The following NXF3 variants were observed in gnomAD, a reference collection of about 807,000 sequenced individuals.
NXF3 encodes nuclear RNA export factor 3.
Under a neutral mutation model 48.4 loss-of-function variants are expected in NXF3, and 34 were observed. The observed-to-expected ratio is 0.70, with a 90% CI of 0.53 to 0.93. The LOEUF (loss-of-function observed/expected upper bound fraction) is 0.93, where lower values mean the gene tolerates loss of function less well. NXF3 is among the 40% of genes least tolerant of loss of function. The pLI, the probability that NXF3 is intolerant of heterozygous loss-of-function variation, is 0.00. For missense variants in NXF3, 359 were observed against 406.1 expected (o/e 0.88, Z 1.00); for synonymous variants, 132 against 145.7 (o/e 0.91, Z 0.68).
At position 103,077,628 on chromosome X, in the gene NXF3, C is replaced by G. The variant is rs375878902; in HGVS notation, c.1570G>C (p.Glu524Gln). ...AAAACCTGTACCATTTTCTGCTGCT[C>G]CTGGGAGAAGGCAGGCACGGAGCTG... ...FSSSVPAFSQ[E>Q]QQKMLPS The change falls in exon 18 of 20, where the codon GAG becomes CAG. Residue 524 changes from glutamate (E) to glutamine (Q), a missense_variant. Coordinates refer to ENST00000395065, the MANE Select transcript of NXF3 (RefSeq NM_022052.2). 3 of 1,209,191 alleles carry G rather than the reference C, an allele frequency of 2.5e-6. No homozygotes were observed. The African/African-American group carries it at 5.3e-5, about 21-fold the overall frequency.
intron 1 of NXF3, chrX:103,088,992 C>T (rs1922215947): frequency 1.1e-5 from 13 of 1,170,847 alleles, no homozygotes; most frequent in Non-Finnish European, 1.2e-6. Context: ...GCAGCCCTGT[C>T]TTCCTAATGT....
Position 103,084,884 on chromosome X carries a change from C to CT in NXF3, c.29-2dup. 8.3e-7 allele frequency: 1 copy of CT among 1,206,162 alleles called. No individual in the cohort carries two copies. The highest frequency in any genetic ancestry group is 1.1e-6 in the Non-Finnish European group (1 of 891,032). On this transcript the variant is annotated splice_acceptor_variant, in intron 1 of 19. Transcript: ENST00000395065. LOFTEE classifies it high-confidence loss of function. The stretch of plus-strand genomic sequence containing the variant: ...CTTTGAACAACTTGATCAGTGTGAC[C>CT]TTAAATTAAGAACAGCACATCAACA...
chrX:103,080,291 A>G, intron 10 of NXF3, 75 bp from the exon 11 acceptor site: 3 of 996,471 alleles, frequency 3.0e-6, no homozygotes, highest in Non-Finnish European at 4.2e-6. Context: ...GGATAGACCC[A>G]GGAGAGGGTG....
rs148903289 is a variant in NXF3, at chrX:103,087,162, C to T, written c.29-2279G>A. ...TTGAGGCAACACTGGTGTAGGAACGCTATGGAGCTCATCAGACTACATCAC... is the reference window on the plus strand; with the variant it reads ...TTGAGGCAACACTGGTGTAGGAACGTTATGGAGCTCATCAGACTACATCAC... On this transcript the variant is annotated intron_variant, in intron 1 of 19. Transcript: ENST00000395065. 672 of 566,829 alleles carry T rather than the reference C, an allele frequency of 1.2e-3. 6 individuals are homozygous for T. The African/African-American group carries it at 0.013, about 11-fold the overall frequency. The allele number at this position is 566,829 out of a possible 1,213,427, so 46.7% of individuals were successfully genotyped here. A position where few individuals can be genotyped will look rare whatever the true frequency, so the allele number is the denominator to read the frequency against.
At position 103,083,749 on chromosome X, in the gene NXF3, G is replaced by C. The variant is rs748108968; in HGVS notation, c.352-57C>G. 4 of 912,229 alleles carry C rather than the reference G, an allele frequency of 4.4e-6. No individual in the cohort carries two copies. In the South Asian group the frequency reaches 8.3e-5, roughly 19 times the overall value. 75.2% of individuals were successfully genotyped at this position (912,229 alleles called of 1,213,427 possible). ...GGAGACTGACATAATGGAATTAAAC[G>C]TTAAAAGTGGACCCAAATATGTTCC... On this transcript the variant is annotated intron_variant, in intron 3 of 19. Coordinates refer to ENST00000395065, the MANE Select transcript of NXF3 (RefSeq NM_022052.2).
intron 9 of NXF3, chrX:103,081,706 G>T: frequency 8.7e-6 from 1 of 114,338 alleles, no homozygotes; most frequent in Middle Eastern, 4.6e-3. Context: ...CCAGCTCCTA[G>T]CATTGGCCAG....
chrX:103,082,417 C>A (rs1922039239), intron 8 of NXF3, 53 bp from the exon 9 acceptor site: 1 of 850,240 alleles, frequency 1.2e-6, no homozygotes, highest in Non-Finnish European at 1.7e-6. Flanking sequence ...GCTGGAGGGC[C>A]CTGCACCCTC....
At chrX:103,076,871 C>T (rs761088578) in intron 18 of NXF3, among the ~76,000 whole-genome samples, 1 of 109,595 alleles carries the variant, frequency 9.1e-6, no homozygotes, top group South Asian at 4.0e-4. Flanking sequence ...TTTCCCTACC[C>T]TCCCCCTTAC....
chrX:103,092,491 A>G (rs901203598), intron 1 of NXF3, among the ~76,000 whole-genome samples: 4 of 112,878 alleles, frequency 3.5e-5, no homozygotes, highest in Non-Finnish European at 7.5e-5. Flanking sequence ...TGGGAATTTA[A>G]CACACCTCTC....
At chrX:103,077,339 C>T (rs1921895269) in intron 18 of NXF3, among the ~76,000 whole-genome samples, 1 of 106,244 alleles carries the variant, frequency 9.4e-6, no homozygotes, top group African/African-American at 3.5e-5. Flanking sequence ...CGAGCTCCGC[C>T]TCCTGGGTTC....
chrX:103,086,202 T>G (rs1421058817), intron 1 of NXF3, among the ~76,000 whole-genome samples: 1 of 111,494 alleles, frequency 9.0e-6, no homozygotes, highest in Non-Finnish European at 1.9e-5. Flanking sequence ...GGGCGGATCA[T>G]GAGGTCAGGA....
intron 1 of NXF3, chrX:103,088,917 TCA>T: frequency 3.3e-6 from 4 of 1,195,065 alleles, no homozygotes; most frequent in Non-Finnish European, 4.5e-6. Flanking sequence ...ATACGAGGTC[TCA>T]GAGTCAGATC....
chrX:103,084,857 T>C lies in NXF3; in HGVS notation c.55A>G (p.Arg19Gly). The C allele has an allele frequency of 4.1e-6, 5 of 1,211,834 alleles. No individual in the cohort carries two copies. Among genetic ancestry groups the C allele is most frequent in the Non-Finnish European group, 5.6e-6 (5 of 895,146 alleles). The change falls in exon 2 of 20, where the codon AGA becomes GGA. Residue 19 changes from arginine (R) to glycine (G), a missense_variant. By Grantham distance (125) the Arg-to-Gly change is moderately radical. Transcript: ENST00000395065. ...TGHTDQVVQR[R>G]ARCWDIYQRR... Reference sequence around the variant, plus strand: ...TGGTAAATATCCCAACATCTTGCTCTTCTTTGAACAACTTGATCAGTGTGA... The same window carrying C: ...TGGTAAATATCCCAACATCTTGCTCCTCTTTGAACAACTTGATCAGTGTGA...
chrX:103,086,818 T>C (rs1170022674), intron 1 of NXF3, among the ~76,000 whole-genome samples: 2 of 111,173 alleles, frequency 1.8e-5, no homozygotes, highest in Non-Finnish European at 3.8e-5. Context: ...TAAGAGAAAA[T>C]ATATACTTTA....
chrX:103,081,654 G>A (rs925169240), intron 9 of NXF3: 1 of 112,722 alleles, frequency 8.9e-6, no homozygotes. Context: ...CCCGCTTCTG[G>A]TCCCTTGACT....
intron 1 of NXF3, among the ~76,000 whole-genome samples, chrX:103,092,121 A>G (rs1429593697): frequency 9.0e-6 from 1 of 111,599 alleles, no homozygotes; most frequent in Non-Finnish European, 1.9e-5. Context: ...TTTAAAGAGA[A>G]CTAGAAGAAT....
intron 9 of NXF3, chrX:103,081,005 G>T: frequency 5.3e-6 from 1 of 190,286 alleles, no homozygotes; most frequent in East Asian, 1.1e-4. Flanking sequence ...GAAGGGGAAG[G>T]CAGGGGAATG....
chrX:103,079,863 A>G lies in NXF3; in HGVS notation c.1060T>C (p.Leu354=). The change falls in exon 13 of 20, where the codon TTG becomes CTG. Residue 354 remains leucine (L), a synonymous_variant. Transcript: ENST00000395065. ...TGTCGATCTCCAGAGTCATAGATCA[A>G]GTAATACCTGTTGGAGACCAGTGAG... The part of the protein sequence containing the change: ...LVLQFLQQYY[L]IYDSGDRQGL... The G allele has an allele frequency of 8.3e-7, 1 of 1,206,822 alleles. No individual in the cohort carries two copies.
rs1922108279 is a variant in NXF3, at chrX:103,084,897, C to A, written c.29-14G>T. 3 of 1,195,264 alleles carry A rather than the reference C, an allele frequency of 2.5e-6. No individual in the cohort carries two copies. Among genetic ancestry groups the A allele is most frequent in the Non-Finnish European group, 3.4e-6 (3 of 881,988 alleles). ...GATCAGTGTGACCTTAAATTAAGAACAGCACATCAACACTTAGAATACCAG... is the reference window on the plus strand; with the variant it reads ...GATCAGTGTGACCTTAAATTAAGAAAAGCACATCAACACTTAGAATACCAG... On this transcript the variant is annotated splice_polypyrimidine_tract_variant and intron_variant, in intron 1 of 19. Transcript: ENST00000395065.
Sources: gnomAD v4.1 joint callset for allele counts (sites outside exome capture counted in the v4.1 genomes callset) on GRCh38, gnomAD v4.1.1 for gene constraint, MANE v1.5 for transcripts, NCBI Gene and HGNC (gene_info 2026-07-23, HGNC 2026-07-21) for gene names.